EPB41L3: variants seen among roughly 807,000 people sequenced by gnomAD.
EPB41L3 encodes erythrocyte membrane protein band 4.1 like 3.
Under a neutral mutation model 127.1 loss-of-function variants are expected in EPB41L3, and 57 were observed. The observed-to-expected ratio is 0.45, with a 90% CI of 0.36 to 0.56. EPB41L3 has a LOEUF of 0.56. Among genes scored for constraint, EPB41L3 ranks in the 20% least tolerant of loss-of-function variants. The probability of loss-of-function intolerance (pLI) is 0.00; values close to 1 mark genes in which losing one functional copy is unlikely to be tolerated. For synonymous variants in EPB41L3, 572 were observed against 549.5 expected, an observed-to-expected ratio of 1.04 and a Z score of -0.57; for missense variants, 1,273 against 1,372.2, an observed-to-expected ratio of 0.93 and a Z score of 1.14.
At chr18:5,593,747 C>T (rs935144191) in intron 3 of EPB41L3, among the ~76,000 whole-genome samples, 23 of 152,226 alleles carry the variant, frequency 1.5e-4, no homozygotes, top group Admixed American at 2.6e-4. Context: ...ATGGCCACAC[C>T]CAAGGGGGCC....
chr18:5,502,008 C>A (rs1363830793), intron 1 of EPB41L3, among the ~76,000 whole-genome samples: 1 of 151,600 alleles, frequency 6.6e-6, no homozygotes, highest in African/African-American at 2.4e-5. Context: ...CGTTAAGAGA[C>A]AGCTGGCTCA....
chr18:5,436,005 T>C (rs557433555), intron 6 of EPB41L3, among the ~76,000 whole-genome samples: 9 of 152,298 alleles, frequency 5.9e-5, no homozygotes, highest in African/African-American at 1.4e-4. Flanking sequence ...GAAATTAACA[T>C]TTTCCATATA....
chr18:5,566,757 CTATT>C (rs2094207897), intron 3 of EPB41L3, among the ~76,000 whole-genome samples: 3 of 141,174 alleles, frequency 2.1e-5, no homozygotes, highest in East Asian at 2.2e-4. Context: ...CTATTCTATT[CTATT>C]CTATTCTATT....
At chr18:5,418,834 A>T (rs2077127908) in intron 12 of EPB41L3, among the ~76,000 whole-genome samples, 1 of 152,218 alleles carries the variant, frequency 6.6e-6, no homozygotes, top group South Asian at 2.1e-4. Context: ...CTATTTGAAG[A>T]GCCCATGTAC....
intron 1 of EPB41L3, among the ~76,000 whole-genome samples, chr18:5,504,098 C>G (rs1568443203): frequency 6.6e-6 from 1 of 152,104 alleles, no homozygotes; most frequent in Non-Finnish European, 1.5e-5. Flanking sequence ...AAGAGAGAAG[C>G]CTGCACAGGA....
chr18:5,459,029 C>T (rs1172905807), intron 3 of EPB41L3, among the ~76,000 whole-genome samples: 1 of 152,142 alleles, frequency 6.6e-6, no homozygotes, highest in African/African-American at 2.4e-5. Context: ...CAGGCACTTC[C>T]ATGAACCACA....
Position 5,423,655 on chromosome 18 carries a change from A to T in EPB41L3, c.1164-102T>A, listed in dbSNP as rs2077759904. 3.8e-6 allele frequency: 4 copies of T among 1,044,858 alleles called. No homozygotes were observed. In the Admixed American group the frequency reaches 1.2e-4, roughly 31 times the overall value. The allele number at this position is 1,044,858 out of a possible 1,614,324, so 64.7% of individuals were successfully genotyped here. On this transcript the variant is annotated intron_variant, in intron 10 of 22. Transcript: ENST00000341928. The stretch of plus-strand genomic sequence containing the variant: ...AGAGGTCATGTGTTTTGCATGCTAA[A>T]CATTTAACGCACAACTTGCAGTTAA...
At chr18:5,585,531 T>C (rs2094434769) in intron 3 of EPB41L3, among the ~76,000 whole-genome samples, 1 of 152,182 alleles carries the variant, frequency 6.6e-6, no homozygotes, top group African/African-American at 2.4e-5. Flanking sequence ...CAACAAGTAA[T>C]TTAAAACAAG....
chr18:5,554,101 C>T (rs1398451296), intron 3 of EPB41L3, among the ~76,000 whole-genome samples: 1 of 152,222 alleles, frequency 6.6e-6, no homozygotes, highest in South Asian at 2.1e-4. Context: ...CCCTGCACAC[C>T]TTAAATATAC....
intron 15 of EPB41L3, chr18:5,407,301 A>G (rs1598533156): frequency 2.6e-6 from 1 of 390,750 alleles, no homozygotes; most frequent in East Asian, 4.7e-5. Flanking sequence ...GCGAATAACA[A>G]ATCAGAAGCT....
At chr18:5,486,497 A>G (rs1309221148) in intron 2 of EPB41L3, among the ~76,000 whole-genome samples, 2 of 152,170 alleles carry the variant, frequency 1.3e-5, no homozygotes, top group African/African-American at 2.4e-5. Context: ...ATGGGATTAC[A>G]TGCAGCCAAA....
At chr18:5,625,334 G>A (rs1281868676) in intron 1 of EPB41L3, among the ~76,000 whole-genome samples, 2 of 151,926 alleles carry the variant, frequency 1.3e-5, no homozygotes, top group Non-Finnish European at 2.9e-5. Context: ...CTGATAGAAA[G>A]GAAGTGGCAG....
intron 1 of EPB41L3, among the ~76,000 whole-genome samples, chr18:5,506,224 A>T (rs1387001343): frequency 6.6e-6 from 1 of 152,016 alleles, no homozygotes; most frequent in Non-Finnish European, 1.5e-5. Context: ...TGATCCTTTT[A>T]CAATATAAAT....
intron 1 of EPB41L3, among the ~76,000 whole-genome samples, chr18:5,510,185 C>T (rs1410330625): frequency 6.6e-6 from 1 of 152,218 alleles, no homozygotes; most frequent in Non-Finnish European, 1.5e-5. Flanking sequence ...GATTTCTGGT[C>T]TGCTAATAGG....
At position 5,409,820 on chromosome 18, in the gene EPB41L3, T is replaced by C. The variant is rs185684900; in HGVS notation, c.2121+746A>G. Among the ~76,000 whole-genome samples the C allele has an allele frequency of 1.6e-3, 239 of 152,108 alleles. 3 individuals carry two copies. Among genetic ancestry groups the C allele is most frequent in the Non-Finnish European group, 1.0e-3 (69 of 67,970 alleles). Reference sequence around the variant, plus strand: ...ACATCAATAAATGTCTTGACTTCCATTAGTACAGATATTATTTTTAAAGAT... The same window carrying C: ...ACATCAATAAATGTCTTGACTTCCACTAGTACAGATATTATTTTTAAAGAT... On this transcript the variant is annotated intron_variant, in intron 14 of 22. Coordinates refer to ENST00000341928, the MANE Select transcript of EPB41L3 (RefSeq NM_012307.5).
At chr18:5,449,768 A>G (rs1034933864) in intron 3 of EPB41L3, among the ~76,000 whole-genome samples, 12 of 152,192 alleles carry the variant, frequency 7.9e-5, no homozygotes, top group African/African-American at 2.9e-4. Context: ...CCCATTGTCC[A>G]TGGGATTTTA....
intron 1 of EPB41L3, among the ~76,000 whole-genome samples, chr18:5,527,845 C>A (rs1242818343): frequency 6.6e-6 from 1 of 152,112 alleles, no homozygotes; most frequent in African/African-American, 2.4e-5. Context: ...AGTGAGGAAG[C>A]CACAAACCTT....
intron 3 of EPB41L3, among the ~76,000 whole-genome samples, chr18:5,598,686 G>T (rs2094559892): frequency 6.6e-6 from 1 of 152,158 alleles, no homozygotes; most frequent in Non-Finnish European, 1.5e-5. Context: ...CTGCATTCCA[G>T]AAGGAAGGCT....
intron 3 of EPB41L3, among the ~76,000 whole-genome samples, chr18:5,576,333 C>T (rs2094336554): frequency 1.3e-5 from 2 of 152,134 alleles, no homozygotes; most frequent in Admixed American, 6.5e-5. Context: ...TAAAAGATAT[C>T]AGCAACTTAG....
Sources: gnomAD v4.1 joint callset for allele counts (sites outside exome capture counted in the v4.1 genomes callset) on GRCh38, gnomAD v4.1.1 for gene constraint, MANE v1.5 for transcripts, NCBI Gene and HGNC (gene_info 2026-07-23, HGNC 2026-07-21) for gene names.